TRAF3IP2: variants seen among roughly 807,000 people sequenced by gnomAD.
TRAF3IP2 encodes the protein E3 ubiquitin ligase TRAF3IP2.
A neutral mutation model predicts 57.9 loss-of-function variants in TRAF3IP2; 35 were observed. That is an observed-to-expected ratio of 0.60 (90% CI 0.46 to 0.80). The LOEUF (loss-of-function observed/expected upper bound fraction) is 0.80. TRAF3IP2 is among the 30% of genes least tolerant of loss of function. The probability of loss-of-function intolerance (pLI) is 0.00; values close to 1 mark genes in which losing one functional copy is unlikely to be tolerated. For missense variants in TRAF3IP2, 556 were observed against 706.4 expected, an observed-to-expected ratio of 0.79 and a Z score of 2.41; for synonymous variants, 251 against 268.9, an observed-to-expected ratio of 0.93 and a Z score of 0.65.
intron 1 of TRAF3IP2, among the ~76,000 whole-genome samples, chr6:111,593,599 C>T (rs941793480): frequency 1.3e-5 from 2 of 152,168 alleles, no homozygotes; most frequent in African/African-American, 2.4e-5. Flanking sequence ...TGCTGCACAA[C>T]GACCCTTGCT....
chr6:111,586,313 A>T (rs769869591), intron 2 of TRAF3IP2, among the ~76,000 whole-genome samples: 22 of 152,086 alleles, frequency 1.4e-4, no homozygotes, highest in Non-Finnish European at 3.1e-4. Flanking sequence ...TTGGTAGAGA[A>T]AGCAATAATT....
At chr6:111,582,729 T>G (rs1337840085) in intron 2 of TRAF3IP2, among the ~76,000 whole-genome samples, 2 of 152,070 alleles carry the variant, frequency 1.3e-5, no homozygotes, top group African/African-American at 4.8e-5. Flanking sequence ...AGCAGACCCT[T>G]TACAAACCCA....
chr6:111,581,093 C>A (rs548595255), intron 2 of TRAF3IP2, among the ~76,000 whole-genome samples: 1 of 152,316 alleles, frequency 6.6e-6, no homozygotes, highest in African/African-American at 2.4e-5. Context: ...AAAGTGGGTC[C>A]CAGCCAGGAC....
At chr6:111,572,795 A>G in intron 5 of TRAF3IP2, 100 bp downstream of exon 5, 2 of 891,700 alleles carry the variant, frequency 2.2e-6, no homozygotes, top group South Asian at 1.4e-5. Context: ...AAATAATATC[A>G]TTTAAAACAC....
At chr6:111,598,114 C>T in intron 1 of TRAF3IP2, 5 of 337,982 alleles carry the variant, frequency 1.5e-5, no homozygotes, top group South Asian at 1.2e-4. Context: ...GGCTCAGAAC[C>T]CCTCTCTGAG....
chr6:111,605,667 G>A (rs1468139065), intron 1 of TRAF3IP2, 109 bp downstream of exon 1: 2 of 152,374 alleles, frequency 1.3e-5, no homozygotes, highest in African/African-American at 4.8e-5. Flanking sequence ...GACGAACACA[G>A]AGGAAAGTAG....
At chr6:111,573,341 C>T (rs955428116) in intron 4 of TRAF3IP2, among the ~76,000 whole-genome samples, 1 of 152,098 alleles carries the variant, frequency 6.6e-6, no homozygotes, top group Non-Finnish European at 1.5e-5. Flanking sequence ...GCACTGTGCC[C>T]AAGGAATACT....
At chr6:111,584,685 T>G (rs1371216775) in intron 2 of TRAF3IP2, among the ~76,000 whole-genome samples, 2 of 140,700 alleles carry the variant, frequency 1.4e-5, no homozygotes, top group Non-Finnish European at 3.1e-5. Context: ...AAATAAAAAC[T>G]ATGTTTATCA....
chr6:111,590,294 G>C (rs556050942), intron 2 of TRAF3IP2, among the ~76,000 whole-genome samples: 4 of 152,204 alleles, frequency 2.6e-5, no homozygotes, highest in Non-Finnish European at 4.4e-5. Flanking sequence ...AGTCTAGAAG[G>C]AGAGGAGACA....
chr6:111,575,625 A>G lies in TRAF3IP2; in HGVS notation c.1201+18T>C. 6.3e-7 allele frequency: 1 copy of G among 1,586,564 alleles called. No individual in the cohort carries two copies. Among genetic ancestry groups the G allele is most frequent in the South Asian group, 1.1e-5 (1 of 87,932 alleles). On this transcript the variant is annotated intron_variant, in intron 4 of 8. Transcript: ENST00000368761. ...AAAAAAAAAGAGGAAGGAGAGAACA[A>G]TGTTGCAAACAACTTACGCAATTCT...
chr6:111,591,209 T>C lies in TRAF3IP2; in HGVS notation c.829+49A>G. 7.1e-7 allele frequency: 1 copy of C among 1,405,826 alleles called. No individual in the cohort carries two copies. Among genetic ancestry groups the C allele is most frequent in the Non-Finnish European group, 9.4e-7 (1 of 1,059,362 alleles). 87.1% of individuals were successfully genotyped at this position (1,405,826 alleles called of 1,614,324 possible). On this transcript the variant is annotated intron_variant, in intron 2 of 8. Transcript: ENST00000368761. The surrounding 1 kb of genome is among the most constrained non-coding windows in gnomAD (Gnocchi z 4.9). ...GAAGCATTGATGTGAGGCCCTTGTT[T>C]CTTCAGTCACCCAGCCCAGAATGCC...
chr6:111,560,964 C>A (rs1050900496), intron 8 of TRAF3IP2, among the ~76,000 whole-genome samples: 1 of 152,106 alleles, frequency 6.6e-6, no homozygotes, highest in Non-Finnish European at 1.5e-5. Context: ...AGTGGATTAC[C>A]TGAGGTCAGG....
In TRAF3IP2 at chr6:111,556,210, G is replaced by A. The variant is rs1213171225; in HGVS notation, c.*3195C>T. On this transcript the variant is annotated 3_prime_UTR_variant, in exon 9 of 9. Transcript: ENST00000368761. ...GCCAAGTGCGTGTGTGTGTGTATGT[G>A]TGCGTGTGTGTGTGTGTGTCTGTGT... 1.3e-5 allele frequency among the ~76,000 whole-genome samples: 2 copies of A among 151,954 alleles called. No individual in the cohort carries two copies. The highest frequency in any genetic ancestry group is 4.8e-5 in the African/African-American group (2 of 41,344).
chr6:111,580,149 T>G, intron 3 of TRAF3IP2, 48 bp downstream of exon 3: 1 of 1,583,348 alleles, frequency 6.3e-7, no homozygotes, highest in Non-Finnish European at 8.6e-7. Flanking sequence ...ATTGGCATAA[T>G]TCCTTTCCAT....
At chr6:111,559,774 G>A (rs922575486) in intron 8 of TRAF3IP2, among the ~76,000 whole-genome samples, 3 of 152,216 alleles carry the variant, frequency 2.0e-5, no homozygotes, top group Non-Finnish European at 2.9e-5. Context: ...CATGTGCACA[G>A]CATTTTCTGT....
chr6:111,559,304 A>G lies in TRAF3IP2; in HGVS notation c.*101T>C. ...AGAGGGCCTCTCGGGGAGGAACAGA[A>G]AAAAACCAGCCAGGAGTGCTACCGA... On this transcript the variant is annotated 3_prime_UTR_variant, in exon 9 of 9. Coordinates refer to ENST00000368761, the MANE Select transcript of TRAF3IP2 (RefSeq NM_147686.4). The G allele has an allele frequency of 6.6e-7, 1 of 1,505,542 alleles. No homozygotes were observed. Among genetic ancestry groups the G allele is most frequent in the East Asian group, 2.3e-5 (1 of 44,088 alleles). The allele number at this position is 1,505,542 out of a possible 1,614,324, so 93.3% of individuals were successfully genotyped here.
chr6:111,593,126 G>A (rs1796571307), intron 1 of TRAF3IP2, among the ~76,000 whole-genome samples: 1 of 152,228 alleles, frequency 6.6e-6, no homozygotes, highest in Non-Finnish European at 1.5e-5. Context: ...CTGCACAGGA[G>A]CAACTGGGGG....
Position 111,575,753 on chromosome 6 carries a change from T to C in TRAF3IP2, c.1091A>G (p.Glu364Gly), listed in dbSNP as rs769810239. 1.2e-6 allele frequency: 2 copies of C among 1,611,662 alleles called. No individual in the cohort carries two copies. The highest frequency in any genetic ancestry group is 1.7e-6 in the Non-Finnish European group (2 of 1,179,246). Residue 364 changes from glutamate (E) to glycine (G), a missense_variant, in exon 4 of 9, where the codon GAG (glutamate) becomes GGG (glycine). This residue lies in a region of TRAF3IP2 where 428 missense variants were observed against 498.7 expected (regional missense o/e 0.86). Transcript: ENST00000368761. ...AGGCTGGGGAACCTGTGGTCTCAGC[T>C]CTGCAGGGCACTCCAAGGACTCCCC... ...APGESLECPA[E>G]LRPQVPQPPS...
chr6:111,581,374 A>T (rs1796159825), intron 2 of TRAF3IP2, among the ~76,000 whole-genome samples: 1 of 152,192 alleles, frequency 6.6e-6, no homozygotes, highest in Non-Finnish European at 1.5e-5. Flanking sequence ...TAGTGATCCA[A>T]GCACTGCCCC....
Sources: allele counts gnomAD v4.1 joint callset (sites outside exome capture counted in the v4.1 genomes callset), GRCh38; gene constraint gnomAD v4.1.1; regional missense constraint gnomAD v4.1.1; non-coding constraint Gnocchi (gnomAD v3.1); transcripts MANE v1.5; gene names NCBI Gene and HGNC (gene_info 2026-07-23, HGNC 2026-07-21).